NUP210: variants seen among roughly 807,000 people sequenced by gnomAD.
The protein encoded by NUP210 is nuclear pore membrane glycoprotein 210.
A neutral mutation model predicts 196.0 loss-of-function variants in NUP210; 151 were observed. The ratio of observed to expected loss-of-function variants is 0.77; its 90% CI spans 0.67 to 0.88. NUP210 has a LOEUF of 0.88. Ranked by LOEUF, NUP210 falls within the 40% of genes least tolerant of loss-of-function variation. NUP210 has a pLI of 0.00. For missense variants in NUP210, 2,314 were observed against 2,493.7 expected (o/e 0.93, Z 1.53); for synonymous variants, 1,070 against 1,052.7 (o/e 1.02, Z -0.32).
In NUP210 at chr3:13,353,992, A is replaced by T; in HGVS notation, c.2444T>A (p.Val815Glu). The T allele has an allele frequency of 6.2e-7, 1 of 1,609,802 alleles. No individual in the cohort carries two copies. The highest frequency in any genetic ancestry group is 8.5e-7 in the Non-Finnish European group (1 of 1,178,058). Residue 815 changes from valine to glutamate, a missense_variant, in exon 17 of 40, where the codon GTG becomes GAG. By Grantham distance (121) the Val-to-Glu change is moderately radical. Coordinates refer to ENST00000254508, the MANE Select transcript of NUP210 (RefSeq NM_024923.4). ...LSIQWESTRP[V>E]LASIEPELPM... ...CAGCTCAGGCTCGATGCTGGCCAACACTGGCCTGGTGGACTCCCACTGGAT... is the reference window on the plus strand; with the variant it reads ...CAGCTCAGGCTCGATGCTGGCCAACTCTGGCCTGGTGGACTCCCACTGGAT...
In NUP210 at chr3:13,323,197, A is replaced by G; in HGVS notation, c.4768+112T>C. The G allele has an allele frequency of 2.2e-6, 3 of 1,338,728 alleles. No individual in the cohort carries two copies. The East Asian group carries it at 7.0e-5, about 31-fold the overall frequency. 82.9% of individuals were successfully genotyped at this position (1,338,728 alleles called of 1,614,324 possible). On this transcript the variant is annotated intron_variant, in intron 34 of 39. Coordinates refer to ENST00000254508, the MANE Select transcript of NUP210 (RefSeq NM_024923.4). The surrounding 1 kb of genome is among the most constrained non-coding windows in gnomAD (Gnocchi z 4.3). ...AGTGGGGGCTAAATGCCCTCTCTGG[A>G]GTTGGTGTGAGTGTGAATAGGAGAA...
rs527282313 is a variant in NUP210 at position 13,323,708 on chromosome 3, G to A, written c.4645-276C>T. Among the ~76,000 whole-genome samples the A allele has an allele frequency of 1.3e-5, 2 of 152,162 alleles. No homozygotes were observed. On this transcript the variant is annotated intron_variant, in intron 33 of 39. Transcript: ENST00000254508. The surrounding 1 kb of genome is among the most constrained non-coding windows in gnomAD (Gnocchi z 4.3). ...AGCAGCGGGCCTGAATTCATTAATC[G>A]ATCTGGGTGGGCTGAGGATTTTGGC...
In NUP210 at chr3:13,379,020, T is replaced by TA; in HGVS notation, c.977-41dup. 3.9e-6 allele frequency: 6 copies of TA among 1,557,278 alleles called. No homozygotes were observed. The highest frequency in any genetic ancestry group is 5.3e-6 in the Non-Finnish European group (6 of 1,128,394). On this transcript the variant is annotated intron_variant, in intron 7 of 39. Coordinates refer to ENST00000254508, the MANE Select transcript of NUP210 (RefSeq NM_024923.4). This position sits in a 1 kb window ranked among gnomAD's most constrained non-coding sequence, Gnocchi z 4.2. ...AAGGGGCAAGACATATGACAGCAAA[T>TA]AAACCAGCTGGCTGGCCAGTTTCAG...
At chr3:13,341,925 C>T (rs1389644647) in intron 22 of NUP210, 42 bp from the exon 23 acceptor site, 9 of 1,613,248 alleles carry the variant, frequency 5.6e-6, no homozygotes, top group Admixed American at 3.3e-5. Flanking sequence ...AAGACCACCC[C>T]GTGGGAAAGG....
intron 28 of NUP210, among the ~76,000 whole-genome samples, chr3:13,333,867 T>C (rs1487015062): frequency 6.6e-6 from 1 of 152,212 alleles, no homozygotes; most frequent in African/African-American, 2.4e-5. Flanking sequence ...ATTTCCCACT[T>C]TCCTGTTAAC....
At position 13,325,831 on chromosome 3, in the gene NUP210, G is replaced by A. The variant is rs1696727252; in HGVS notation, c.4608C>T (p.Tyr1536=). 4 of 1,613,854 alleles carry A rather than the reference G, an allele frequency of 2.5e-6. No individual in the cohort carries two copies. Among genetic ancestry groups the A allele is most frequent in the Non-Finnish European group, 3.4e-6 (4 of 1,180,036 alleles). The change falls in exon 33 of 40, where the codon TAC becomes TAT. Residue 1536 remains tyrosine, a synonymous_variant. Coordinates refer to ENST00000254508, the MANE Select transcript of NUP210 (RefSeq NM_024923.4). ...VARAVGSVTV[Y]YEVAGHLRTY... is the part of the protein sequence containing the mutation. The stretch of plus-strand genomic sequence containing the variant: ...TCCTCAGGTGCCCAGCGACCTCATA[G>A]TAAACCGTCACGGATCCCACGGCCC...
Position 13,379,558 on chromosome 3 carries a change from G to A in NUP210, c.976+5C>T, listed in dbSNP as rs765063165. ...TAAGAACACACAAGCCCAAGAAAAG[G>A]ATATTCCTGTGGCCAAGGACGAGGC... On this transcript the variant is annotated splice_donor_5th_base_variant and intron_variant, in intron 7 of 39. Coordinates refer to ENST00000254508, the MANE Select transcript of NUP210 (RefSeq NM_024923.4). This position sits in a 1 kb window ranked among gnomAD's most constrained non-coding sequence, Gnocchi z 4.2. The A allele has an allele frequency of 7.4e-6, 12 of 1,614,120 alleles. No homozygotes were observed. The highest frequency in any genetic ancestry group is 1.0e-5 in the Non-Finnish European group (12 of 1,180,024).
chr3:13,387,603 G>T (rs901214331), intron 5 of NUP210, among the ~76,000 whole-genome samples: 3 of 152,314 alleles, frequency 2.0e-5, no homozygotes, highest in Middle Eastern at 3.4e-3. Flanking sequence ...AAATTAAATG[G>T]CAGGCCAAGT....
intron 16 of NUP210, among the ~76,000 whole-genome samples, chr3:13,356,453 A>C (rs1034089973): frequency 2.0e-5 from 3 of 151,976 alleles, no homozygotes; most frequent in African/African-American, 7.2e-5. Context: ...GACCAGCCTG[A>C]CCAATATGGT....
At chr3:13,368,578 C>T (rs1254600387) in intron 13 of NUP210, among the ~76,000 whole-genome samples, 1 of 152,174 alleles carries the variant, frequency 6.6e-6, no homozygotes, top group East Asian at 1.9e-4. Context: ...TATACAGTAA[C>T]TTCCCAATTC....
In NUP210 at chr3:13,358,317, C is replaced by A. The variant is rs373501669; in HGVS notation, c.2233G>T (p.Val745Phe). The A allele has an allele frequency of 8.1e-6, 13 of 1,613,874 alleles. No individual in the cohort carries two copies. The highest frequency in any genetic ancestry group is 1.1e-5 in the Non-Finnish European group (13 of 1,179,926). Reference sequence around the variant, plus strand: ...GTGAGCCTGGACGGTGGGGCGCAGACGAACTTCACCACGGCAGGCTCCACC... The same window carrying A: ...GTGAGCCTGGACGGTGGGGCGCAGAAGAACTTCACCACGGCAGGCTCCACC... ...PAVEPAVVKF[V>F]CAPPSRLTLA... The change falls in exon 16 of 40, where the codon GTC becomes TTC. Residue 745 changes from valine to phenylalanine, a missense_variant. Coordinates refer to ENST00000254508, the MANE Select transcript of NUP210 (RefSeq NM_024923.4).
intron 2 of NUP210, among the ~76,000 whole-genome samples, chr3:13,399,252 C>A (rs557903767): frequency 5.8e-4 from 62 of 107,118 alleles, no homozygotes; most frequent in Non-Finnish European, 8.1e-4. Flanking sequence ...GGCGACAGAG[C>A]AAGACTCTGT....
At position 13,386,412 on chromosome 3, in the gene NUP210, G is replaced by C. The variant is rs763216052; in HGVS notation, c.685-5C>G. On this transcript the variant is annotated splice_polypyrimidine_tract_variant and splice_region_variant and intron_variant, in intron 5 of 39. Coordinates refer to ENST00000254508, the MANE Select transcript of NUP210 (RefSeq NM_024923.4). The stretch of plus-strand genomic sequence containing the variant: ...GACTTCTGCAGGGCGTACATTCTTG[G>C]CATAAAGAAAAGGCAGACAAAGTGA... The C allele has an allele frequency of 6.2e-7, 1 of 1,613,964 alleles. No individual in the cohort carries two copies. The highest frequency in any genetic ancestry group is 8.5e-7 in the Non-Finnish European group (1 of 1,179,970).
chr3:13,385,691 G>T (rs565667259), intron 6 of NUP210, among the ~76,000 whole-genome samples: 41 of 152,204 alleles, frequency 2.7e-4, no homozygotes, highest in Admixed American at 4.6e-4. Context: ...ATACCCCAAA[G>T]AATTTGAAAG....
chr3:13,355,160 C>T (rs905927410), intron 16 of NUP210, among the ~76,000 whole-genome samples: 2 of 152,180 alleles, frequency 1.3e-5, no homozygotes, highest in African/African-American at 4.8e-5. Flanking sequence ...CATTTTAGAG[C>T]CTTCCTACAT....
Position 13,358,207 on chromosome 3 carries a change from A to G in NUP210, c.2328+15T>C. On this transcript the variant is annotated intron_variant, in intron 16 of 39. Transcript: ENST00000254508. The stretch of plus-strand genomic sequence containing the variant: ...GTGGCACCCTCACCTCCTCCCGAGC[A>G]TAGCCCACACTCACCACCTGCTTGT... 1.9e-6 allele frequency: 3 copies of G among 1,589,012 alleles called. No homozygotes were observed. The highest frequency in any genetic ancestry group is 2.6e-6 in the Non-Finnish European group (3 of 1,163,322).
rs528897439 is a variant in NUP210 at position 13,420,184 on chromosome 3, C to A, written c.43G>T (p.Val15Leu). The part of the protein sequence containing the change: ...GRGLLLLTLS[V>L]LLAAGPSAAA... ...GCGGAGGGGCCCGCCGCCAACAGCA[C>A]CGACAGCGTCAGCAGCAGCAGCCCC... is the stretch of plus-strand genomic sequence containing the variant. The change falls in exon 1 of 40, where the codon GTG (valine) becomes TTG (leucine). Residue 15 changes from valine (V) to leucine (L), a missense_variant. By Grantham distance (32) the Val-to-Leu change is conservative (BLOSUM62 1). Transcript: ENST00000254508. The surrounding 1 kb of genome is among the most constrained non-coding windows in gnomAD (Gnocchi z 4.8). The A allele has an allele frequency of 2.4e-6, 3 of 1,240,926 alleles. No homozygotes were observed. The South Asian group carries it at 7.4e-5, about 31-fold the overall frequency. The allele number at this position is 1,240,926 out of a possible 1,614,324, so 76.9% of individuals were successfully genotyped here. A position where few individuals can be genotyped will look rare whatever the true frequency, so the allele number is the denominator to read the frequency against.
chr3:13,371,933 T>C lies in NUP210; in HGVS notation c.1687A>G (p.Met563Val). ...ACCACCTCACTGGCCCCGCCGGGCA[T>C]GAGGCCACTGATCCTCAGGGGCAGC... is the stretch of plus-strand genomic sequence containing the variant. ...LELPLRISGL[M>V]PGGASEVVTL... The change falls in exon 13 of 40, where the codon ATG becomes GTG. Residue 563 changes from methionine to valine, a missense_variant. By Grantham distance (21) the Met-to-Val change is conservative. Transcript: ENST00000254508. 1 of 1,607,440 alleles carries C rather than the reference T, an allele frequency of 6.2e-7. No individual in the cohort carries two copies. Among genetic ancestry groups the C allele is most frequent in the South Asian group, 1.1e-5 (1 of 89,666 alleles).
At chr3:13,327,083 C>T in intron 32 of NUP210, 134 bp downstream of exon 32, 1 of 668,562 alleles carries the variant, frequency 1.5e-6, no homozygotes, top group Non-Finnish European at 2.5e-6. Context: ...AGTTTTGGAG[C>T]ACTGCTCCTG....
Sources: allele counts gnomAD v4.1 joint callset (sites outside exome capture counted in the v4.1 genomes callset), GRCh38; gene constraint gnomAD v4.1.1; non-coding constraint Gnocchi (gnomAD v3.1); transcripts MANE v1.5; gene names NCBI Gene and HGNC (gene_info 2026-07-23, HGNC 2026-07-21).